The following CTNNA2 variants were observed in gnomAD, a reference collection of about 807,000 sequenced individuals.
CTNNA2 encodes the protein catenin alpha-2.
A neutral mutation model predicts 101.0 loss-of-function variants in CTNNA2; 42 were observed. The ratio of observed to expected loss-of-function variants is 0.42; its 90% CI spans 0.32 to 0.54. The LOEUF (loss-of-function observed/expected upper bound fraction) is 0.54. Among genes scored for constraint, CTNNA2 ranks in the 20% least tolerant of loss-of-function variants. The pLI is 0.14. For missense variants in CTNNA2, 871 were observed against 1,223.1 expected (o/e 0.71, Z 4.29); for synonymous variants, 450 against 456.4 (o/e 0.99, Z 0.18).
intron 9 of CTNNA2, among the ~76,000 whole-genome samples, chr2:80,423,846 G>A (rs1680743866): frequency 1.3e-5 from 2 of 152,142 alleles, no homozygotes; most frequent in Admixed American, 6.5e-5. Flanking sequence ...GATTTGAGTG[G>A]TTTGTATTTC....
At chr2:79,642,353 G>A (rs1452048075) in intron 1 of CTNNA2, among the ~76,000 whole-genome samples, 2 of 152,106 alleles carry the variant, frequency 1.3e-5, no homozygotes, top group African/African-American at 4.8e-5. Context: ...ACTGCAAATA[G>A]CAAAAACTAC....
At chr2:79,904,474 T>C (rs1685283866) in intron 6 of CTNNA2, among the ~76,000 whole-genome samples, 1 of 152,214 alleles carries the variant, frequency 6.6e-6, no homozygotes, top group African/African-American at 2.4e-5. Flanking sequence ...TTTAAAGTAA[T>C]ATACTTTATA....
chr2:79,252,880 T>C (rs1007916366), intron 2 of CTNNA2, among the ~76,000 whole-genome samples: 1 of 152,158 alleles, frequency 6.6e-6, no homozygotes. Flanking sequence ...TTCACTGTGA[T>C]GGAAAACCCA....
At chr2:80,633,015 T>C (rs959426615) in intron 18 of CTNNA2, among the ~76,000 whole-genome samples, 1 of 152,278 alleles carries the variant, frequency 6.6e-6, no homozygotes, top group South Asian at 2.1e-4. Context: ...TGTATTATCT[T>C]GTGCTTTGTG....
chr2:80,131,767 C>T (rs1702428618), intron 7 of CTNNA2, among the ~76,000 whole-genome samples: 1 of 152,114 alleles, frequency 6.6e-6, no homozygotes, highest in Non-Finnish European at 1.5e-5. Context: ...GTCCTTCTAA[C>T]AGGTGTCTTG....
chr2:79,399,219 A>AT (rs1040955319), intron 4 of CTNNA2, among the ~76,000 whole-genome samples: 12 of 151,940 alleles, frequency 7.9e-5, no homozygotes, highest in South Asian at 2.1e-4. Flanking sequence ...TAAGAGGCTG[A>AT]TTTTTTTTTA....
At chr2:80,146,720 T>TTG (rs1558851330) in intron 7 of CTNNA2, among the ~76,000 whole-genome samples, 2 of 104,316 alleles carry the variant, frequency 1.9e-5, no homozygotes, top group Non-Finnish European at 3.9e-5. Flanking sequence ...GTTTTTTTTT[T>TTG]TTTTTTTTTT....
chr2:80,208,846 G>A (rs576920737), intron 7 of CTNNA2, among the ~76,000 whole-genome samples: 1 of 152,206 alleles, frequency 6.6e-6, no homozygotes, highest in Admixed American at 6.5e-5. Flanking sequence ...TATTTGTTAT[G>A]CAAAGCCCCT....
chr2:79,582,446 T>C (rs2103912154), intron 1 of CTNNA2, among the ~76,000 whole-genome samples: 1 of 152,304 alleles, frequency 6.6e-6, no homozygotes, highest in East Asian at 1.9e-4. Flanking sequence ...CTTTTTTCTC[T>C]TACCTTTTTC....
intron 1 of CTNNA2, among the ~76,000 whole-genome samples, chr2:79,632,061 G>T (rs1223555544): frequency 6.6e-6 from 1 of 152,080 alleles, no homozygotes; most frequent in East Asian, 1.9e-4. Flanking sequence ...TGAAACAGTC[G>T]CAGTGGTTTT....
chr2:80,078,953 C>A lies in CTNNA2; in HGVS notation c.1056+169156C>A, dbSNP rs190423880. ...TTATTTGATTCCTCCTTTGAAAGAA[C>A]TGCTGCCATGGGTGATTTCCTCATT... On this transcript the variant is annotated intron_variant, in intron 7 of 18. Coordinates refer to ENST00000402739, the MANE Select transcript of CTNNA2 (RefSeq NM_001282597.3). Among the ~76,000 whole-genome samples the A allele has an allele frequency of 2.0e-5, 3 of 152,294 alleles. No homozygotes were observed. In the East Asian group the frequency reaches 5.8e-4, roughly 29 times the overall value.
chr2:80,526,619 C>T (rs1690060475), intron 9 of CTNNA2, among the ~76,000 whole-genome samples: 1 of 152,018 alleles, frequency 6.6e-6, no homozygotes, highest in Non-Finnish European at 1.5e-5. Context: ...AGACGTGAGC[C>T]ACTGTGCCGG....
intron 18 of CTNNA2, among the ~76,000 whole-genome samples, chr2:80,622,085 T>C (rs1671185258): frequency 6.6e-6 from 1 of 151,960 alleles, no homozygotes; most frequent in African/African-American, 2.4e-5. Flanking sequence ...AATCAAAATG[T>C]ATTGCTTACA....
At chr2:79,301,962 G>A (rs970140881) in intron 2 of CTNNA2, among the ~76,000 whole-genome samples, 16 of 151,892 alleles carry the variant, frequency 1.1e-4, no homozygotes, top group Non-Finnish European at 1.5e-4. Context: ...GTGTGGTGGC[G>A]GGCTCCTGTA....
chr2:79,601,781 A>G (rs1279723310), intron 1 of CTNNA2, among the ~76,000 whole-genome samples: 1 of 152,228 alleles, frequency 6.6e-6, no homozygotes, highest in African/African-American at 2.4e-5. Context: ...TATCACAATT[A>G]CAACTGAAAA....
intron 3 of CTNNA2, among the ~76,000 whole-genome samples, chr2:79,781,159 A>G (rs1312814985): frequency 6.6e-6 from 1 of 152,204 alleles, no homozygotes; most frequent in Admixed American, 6.5e-5. Context: ...ATGCTAGACA[A>G]GTGGTGAATT....
intron 7 of CTNNA2, among the ~76,000 whole-genome samples, chr2:80,007,113 T>G (rs1693425759): frequency 6.6e-6 from 1 of 152,174 alleles, no homozygotes; most frequent in Non-Finnish European, 1.5e-5. Flanking sequence ...TGAATTCATA[T>G]GTCAGTTCCA....
At chr2:79,910,812 A>G (rs1178055313) in intron 7 of CTNNA2, among the ~76,000 whole-genome samples, 3 of 152,200 alleles carry the variant, frequency 2.0e-5, no homozygotes, top group Non-Finnish European at 2.9e-5. Context: ...TACCACTCCC[A>G]TCATGAGTAA....
At chr2:79,374,558 A>G (rs1485966647) in intron 4 of CTNNA2, among the ~76,000 whole-genome samples, 1 of 152,096 alleles carries the variant, frequency 6.6e-6, no homozygotes, top group African/African-American at 2.4e-5. Flanking sequence ...CATTTAGTCA[A>G]CATTCTCTAT....
Sources: gnomAD v4.1 joint callset for allele counts (sites outside exome capture counted in the v4.1 genomes callset) on GRCh38, gnomAD v4.1.1 for gene constraint, MANE v1.5 for transcripts, NCBI Gene and HGNC (gene_info 2026-07-23, HGNC 2026-07-21) for gene names.